The following PCDHGA4 variants were observed in gnomAD, a reference collection of about 807,000 sequenced individuals.
PCDHGA4 encodes the protein protocadherin gamma-A4.
PCDHGA4 carries 38 observed loss-of-function variants against 54.6 expected under a neutral mutation model. The ratio of observed to expected loss-of-function variants is 0.70; its 90% CI spans 0.54 to 0.91. The LOEUF (loss-of-function observed/expected upper bound fraction) is 0.91. Ranked by LOEUF, PCDHGA4 falls within the 40% of genes least tolerant of loss-of-function variation. PCDHGA4 has a pLI of 0.00. For synonymous variants in PCDHGA4, 511 were observed against 512.9 expected (o/e 1.00, Z 0.05); for missense variants, 1,298 against 1,220.9 (o/e 1.06, Z -0.94).
intron 1 of PCDHGA4, among the ~76,000 whole-genome samples, chr5:141,461,616 T>A (rs1399885412): frequency 6.6e-6 from 1 of 152,236 alleles, no homozygotes; most frequent in African/African-American, 2.4e-5. Context: ...CAAAGTATTT[T>A]CTAATACACC....
chr5:141,454,857 G>C (rs1365819097), intron 1 of PCDHGA4, among the ~76,000 whole-genome samples: 2 of 131,566 alleles, frequency 1.5e-5, no homozygotes, highest in African/African-American at 6.0e-5. Context: ...ACCCAGGCTG[G>C]AGTGCAGTGG....
chr5:141,397,835 T>G (rs1483046343), intron 1 of PCDHGA4, among the ~76,000 whole-genome samples: 1 of 152,238 alleles, frequency 6.6e-6, no homozygotes, highest in Admixed American at 6.5e-5. Context: ...CTGGTTAACT[T>G]GAAGCCGCAG....
chr5:141,435,906 A>C (rs1246100275), intron 1 of PCDHGA4, among the ~76,000 whole-genome samples: 1 of 152,182 alleles, frequency 6.6e-6, no homozygotes, highest in African/African-American at 2.4e-5. Context: ...AAAGACATCC[A>C]AGGGCTCTAA....
At chr5:141,421,889 C>T (rs1280668349) in intron 1 of PCDHGA4, 5 of 1,613,574 alleles carry the variant, frequency 3.1e-6, no homozygotes, top group African/African-American at 1.3e-5. Flanking sequence ...GGAGGCGATC[C>T]CATCCGAAAG....
At chr5:141,475,840 A>T in intron 1 of PCDHGA4, 1 of 434,888 alleles carries the variant, frequency 2.3e-6, no homozygotes, top group Non-Finnish European at 4.1e-6. Flanking sequence ...TGTCCTGCTC[A>T]GAGAGCCCGG....
chr5:141,368,392 C>T (rs978574831), intron 1 of PCDHGA4, among the ~76,000 whole-genome samples: 2 of 152,084 alleles, frequency 1.3e-5, no homozygotes, highest in African/African-American at 4.8e-5. Context: ...TACACACACA[C>T]AAACACACAT....
chr5:141,469,049 G>A (rs916327969), intron 1 of PCDHGA4, among the ~76,000 whole-genome samples: 3 of 152,054 alleles, frequency 2.0e-5, no homozygotes, highest in African/African-American at 2.4e-5. Context: ...GGCCAAGGTG[G>A]GAGGATTGCT....
chr5:141,372,331 T>G (rs1385749044), intron 1 of PCDHGA4: 2 of 1,613,644 alleles, frequency 1.2e-6, no homozygotes, highest in African/African-American at 1.3e-5. Flanking sequence ...CTGGTCACTG[T>G]GCGTGATGGA....
At chr5:141,410,235 G>T (rs753193390) in intron 1 of PCDHGA4, 1 of 1,613,852 alleles carries the variant, frequency 6.2e-7, no homozygotes, top group Non-Finnish European at 8.5e-7. Context: ...CTCAGCGACC[G>T]CCCTGTACTC....
intron 1 of PCDHGA4, chr5:141,433,358 C>CCCAT (rs1554125967): frequency 7.1e-5 from 36 of 503,934 alleles, no homozygotes; most frequent in African/African-American, 1.2e-4. Flanking sequence ...CTACTGTCTG[C>CCCAT]CTATCTATCT....
intron 1 of PCDHGA4, among the ~76,000 whole-genome samples, chr5:141,472,712 G>A (rs1303609397): frequency 1.3e-5 from 2 of 151,972 alleles, no homozygotes; most frequent in Admixed American, 6.6e-5. Flanking sequence ...CAGGCCAGGC[G>A]CTGTGGCTCA....
At chr5:141,444,299 G>A (rs1017908182) in intron 1 of PCDHGA4, among the ~76,000 whole-genome samples, 20 of 150,672 alleles carry the variant, frequency 1.3e-4, no homozygotes, top group Non-Finnish European at 2.7e-4. Context: ...AGCCTCCCTA[G>A]TAGCTAGGAT....
In PCDHGA4 at chr5:141,355,384, C is replaced by A. The variant is rs570057542; in HGVS notation, c.277C>A (p.Arg93Ser). Reference protein sequence around the residue: ...LGLAPRELAERGVRIVSRGRT... With the variant: ...LGLAPRELAESGVRIVSRGRT... The stretch of plus-strand genomic sequence containing the variant: ...GTTGGCGCCCCGGGAGCTGGCGGAG[C>A]GCGGAGTCCGCATCGTCTCCAGAGG... Residue 93 changes from arginine (R) to serine (S), a missense_variant, in exon 1 of 4, where the codon CGC (arginine) becomes AGC (serine). Arg to Ser is a moderately radical substitution (Grantham distance 110). Transcript: ENST00000571252. 122 of 1,614,008 alleles carry A rather than the reference C, an allele frequency of 7.6e-5. 1 individual carries two copies. In the East Asian group the frequency reaches 2.7e-3, roughly 35 times the overall value.
intron 1 of PCDHGA4, among the ~76,000 whole-genome samples, chr5:141,482,385 A>T (rs1238551737): frequency 6.6e-6 from 1 of 152,210 alleles, no homozygotes; most frequent in Non-Finnish European, 1.5e-5. Context: ...AAGTCCCTGT[A>T]TGGAGCAAGT....
intron 3 of PCDHGA4, chr5:141,507,213 G>C (rs1016967764): frequency 6.6e-6 from 1 of 152,558 alleles, no homozygotes; most frequent in African/African-American, 2.4e-5. Context: ...AGGGTTGCCA[G>C]ATAAAATACA....
At chr5:141,365,948 C>A (rs761134623) in intron 1 of PCDHGA4, 2 of 1,614,186 alleles carry the variant, frequency 1.2e-6, no homozygotes, top group Admixed American at 3.3e-5. Context: ...CAGTGGGAAC[C>A]CTCCACTTAG....
chr5:141,361,182 G>C, intron 1 of PCDHGA4: 1 of 1,613,884 alleles, frequency 6.2e-7, no homozygotes, highest in Non-Finnish European at 8.5e-7. Context: ...AAGTTATTGT[G>C]ACTTCAGTAT....
In PCDHGA4 at chr5:141,365,219, A is replaced by G. The variant is rs569659080; in HGVS notation, c.2514+7598A>G. 1.4e-5 allele frequency: 22 copies of G among 1,613,962 alleles called. No homozygotes were observed. The Admixed American group carries it at 2.3e-4, about 17-fold the overall frequency. ...TTCGGAGACTTTCCAACTTGATTCC[A>G]ACCTGGGGGAAATCTCAACTCTACA... On this transcript the variant is annotated intron_variant, in intron 1 of 3. Coordinates refer to ENST00000571252, the MANE Select transcript of PCDHGA4 (RefSeq NM_018917.4).
chr5:141,478,139 G>C, intron 1 of PCDHGA4: 15 of 1,614,040 alleles, frequency 9.3e-6, no homozygotes, highest in Non-Finnish European at 1.3e-5. Context: ...TGAAGCCCGA[G>C]CCGAGTTCCC....
Sources: gnomAD v4.1 joint callset for allele counts (sites outside exome capture counted in the v4.1 genomes callset) on GRCh38, gnomAD v4.1.1 for gene constraint, MANE v1.5 for transcripts, NCBI Gene and HGNC (gene_info 2026-07-23, HGNC 2026-07-21) for gene names.